MAP2K5: variants seen among roughly 807,000 people sequenced by gnomAD.
MAP2K5 encodes mitogen-activated protein kinase kinase 5, also known as dual specificity mitogen-activated protein kinase kinase 5.
A neutral mutation model predicts 83.1 loss-of-function variants in MAP2K5; 49 were observed. The observed-to-expected ratio is 0.59, with a 90% confidence interval of 0.47 to 0.75. MAP2K5 has a LOEUF of 0.75. Among genes scored for constraint, MAP2K5 ranks in the 30% least tolerant of loss-of-function variants. The pLI, the probability that MAP2K5 is intolerant of heterozygous loss-of-function variation, is 0.00. For synonymous variants in MAP2K5, 202 were observed against 191.8 expected, an observed-to-expected ratio of 1.05 and a Z score of -0.44; for missense variants, 457 against 557.5, an observed-to-expected ratio of 0.82 and a Z score of 1.82.
At chr15:67,598,871 A>T (rs1326651921) in intron 7 of MAP2K5, among the ~76,000 whole-genome samples, 1 of 152,234 alleles carries the variant, frequency 6.6e-6, no homozygotes, top group Admixed American at 6.5e-5. Context: ...TCTCTCGTAG[A>T]AATTTATGTC....
At chr15:67,721,215 C>G (rs371260818) in intron 16 of MAP2K5, among the ~76,000 whole-genome samples, 7 of 152,132 alleles carry the variant, frequency 4.6e-5, no homozygotes, top group African/African-American at 1.7e-4. Context: ...GTAATGCTGT[C>G]TTTTCTCCCT....
chr15:67,682,838 A>AT (rs1234559196), intron 13 of MAP2K5, among the ~76,000 whole-genome samples: 2 of 149,652 alleles, frequency 1.3e-5, no homozygotes, highest in African/African-American at 5.0e-5. Flanking sequence ...ATCTCAAAAA[A>AT]TAAAAAAAAA....
At chr15:67,693,185 G>A (rs189495423) in intron 14 of MAP2K5, among the ~76,000 whole-genome samples, 18 of 152,324 alleles carry the variant, frequency 1.2e-4, no homozygotes, top group African/African-American at 4.3e-4. Context: ...TGAGCCATCT[G>A]ACTAAAAATT....
chr15:67,737,844 CTTTTTTTTT>C (rs35988425), intron 17 of MAP2K5, among the ~76,000 whole-genome samples: 3 of 69,308 alleles, frequency 4.3e-5, no homozygotes, highest in African/African-American at 1.8e-4. Flanking sequence ...ATAGAATAGT[CTTTTTTTTT>C]TTTTTTTTTT....
chr15:67,574,873 T>C (rs1356076338), intron 3 of MAP2K5, among the ~76,000 whole-genome samples: 5 of 151,880 alleles, frequency 3.3e-5, no homozygotes, highest in Admixed American at 6.6e-5. Context: ...TCTCAAAAAA[T>C]AATAATAAAA....
At position 67,755,968 on chromosome 15, in the gene MAP2K5, T is replaced by C. The variant is rs1744299011; in HGVS notation, c.1134+7367T>C. Among the ~76,000 whole-genome samples the C allele has an allele frequency of 6.6e-6, 1 of 152,138 alleles. No individual in the cohort carries two copies. The highest frequency in any genetic ancestry group is 1.5e-5 in the Non-Finnish European group (1 of 68,016). The stretch of plus-strand genomic sequence containing the variant: ...TCAATTGTCCACCCTCTTTCCATTG[T>C]CCTCCCCACATCCTCACTGTGGCAT... On this transcript the variant is annotated intron_variant, in intron 19 of 21. Coordinates refer to ENST00000178640, the MANE Select transcript of MAP2K5 (RefSeq NM_145160.3). This position sits in a 1 kb window ranked among gnomAD's most constrained non-coding sequence, Gnocchi z 4.7.
intron 7 of MAP2K5, among the ~76,000 whole-genome samples, chr15:67,593,984 T>G (rs2085470427): frequency 6.6e-6 from 1 of 152,234 alleles, no homozygotes; most frequent in Non-Finnish European, 1.5e-5. Context: ...CTAATAGATG[T>G]GCATGCCTTA....
chr15:67,718,580 A>G (rs184878174), intron 16 of MAP2K5, among the ~76,000 whole-genome samples: 93 of 152,224 alleles, frequency 6.1e-4, no homozygotes, highest in African/African-American at 1.9e-3. Flanking sequence ...CCTGGCCAAC[A>G]TGATGAATCC....
Position 67,714,413 on chromosome 15 carries a change from G to GAAAAAAAAAAAA in MAP2K5, c.1044+11005_1044+11006insAAAAAAAAAAAA, listed in dbSNP as rs2088777375. On this transcript the variant is annotated intron_variant, in intron 16 of 21. Transcript: ENST00000178640. Reference sequence around the variant, plus strand: ...CCCCCCACCCCTACCCAGCTGCCAGGGAAAAAAAAAAAAAAAAAAAAAAAA... The same window carrying GAAAAAAAAAAAA: ...CCCCCCACCCCTACCCAGCTGCCAGGAAAAAAAAAAAAGAAAAAAAAAAAAAAAAAAAAAAAA... Among the ~76,000 whole-genome samples the GAAAAAAAAAAAA allele has an allele frequency of 4.7e-5, 2 of 42,692 alleles. 1 individual carries two copies. The highest frequency in any genetic ancestry group is 7.2e-4 in the Admixed American group (2 of 2,782). 28.0% of individuals were successfully genotyped at this position (42,692 alleles called of 152,430 possible).
At chr15:67,599,007 G>T (rs1322207288) in intron 7 of MAP2K5, among the ~76,000 whole-genome samples, 1 of 152,166 alleles carries the variant, frequency 6.6e-6, no homozygotes, top group Non-Finnish European at 1.5e-5. Context: ...CCCACCAATG[G>T]ATACTGCTAT....
At chr15:67,624,845 G>C (rs1173734503) in intron 8 of MAP2K5, among the ~76,000 whole-genome samples, 3 of 152,166 alleles carry the variant, frequency 2.0e-5, no homozygotes, top group African/African-American at 7.2e-5. Context: ...TGGCCAGGCT[G>C]GTCTTGAACT....
In MAP2K5 at chr15:67,779,121, A is replaced by G. The variant is rs1596959731; in HGVS notation, c.1242+6369A>G. ...TTTGCAGTGAGAAATACTGGCTGGG[A>G]TTGTAACTTCAGCTGAGTATTTCCA... On this transcript the variant is annotated intron_variant, in intron 21 of 21. Transcript: ENST00000178640. This position sits in a 1 kb window ranked among gnomAD's most constrained non-coding sequence, Gnocchi z 4.6. 6.6e-6 allele frequency among the ~76,000 whole-genome samples: 1 copy of G among 152,190 alleles called. No homozygotes were observed. Among genetic ancestry groups the G allele is most frequent in the Non-Finnish European group, 1.5e-5 (1 of 68,028 alleles).
rs920693996 is a variant in MAP2K5, at chr15:67,746,278, G to T, written c.1075-1953G>T. Among the ~76,000 whole-genome samples, 1 of 152,068 alleles carries T rather than the reference G, an allele frequency of 6.6e-6. No homozygotes were observed. Among genetic ancestry groups the T allele is most frequent in the African/African-American group, 2.4e-5 (1 of 41,420 alleles). On this transcript the variant is annotated intron_variant, in intron 17 of 21. Transcript: ENST00000178640. The surrounding 1 kb of genome is among the most constrained non-coding windows in gnomAD (Gnocchi z 4.1). Reference sequence around the variant, plus strand: ...TCAAAACCTCTCACTTAGAATGTTTGCTGCATGTTCTCCTCAGAGAATGTT... The same window carrying T: ...TCAAAACCTCTCACTTAGAATGTTTTCTGCATGTTCTCCTCAGAGAATGTT...
rs902615720 is a variant in MAP2K5, at chr15:67,646,373, T to C, written c.655-15T>C. 1.3e-6 allele frequency: 2 copies of C among 1,541,174 alleles called. No individual in the cohort carries two copies. The highest frequency in any genetic ancestry group is 1.8e-6 in the Non-Finnish European group (2 of 1,118,990). ...TTGCAGGTTTATAACTACTTTTGTC[T>C]TATTTTTGTTACAGTGCGATTCATC... On this transcript the variant is annotated splice_polypyrimidine_tract_variant and intron_variant, in intron 10 of 21. Coordinates refer to ENST00000178640, the MANE Select transcript of MAP2K5 (RefSeq NM_145160.3).
At chr15:67,625,307 C>T (rs138652422) in intron 8 of MAP2K5, among the ~76,000 whole-genome samples, 1 of 152,286 alleles carries the variant, frequency 6.6e-6, no homozygotes, top group East Asian at 1.9e-4. Context: ...TGTGTGTGTG[C>T]TCAATTTTAA....
chr15:67,626,398 G>C (rs928507331), intron 8 of MAP2K5, among the ~76,000 whole-genome samples: 4 of 151,922 alleles, frequency 2.6e-5, no homozygotes, highest in African/African-American at 9.7e-5. Flanking sequence ...GTGGTGGTGG[G>C]CTCCTGTAAT....
At chr15:67,776,820 A>T (rs1169374309) in intron 21 of MAP2K5, among the ~76,000 whole-genome samples, 1 of 152,204 alleles carries the variant, frequency 6.6e-6, no homozygotes, top group African/African-American at 2.4e-5. Flanking sequence ...CTTAGCCGGG[A>T]GAACCTCCAT....
At chr15:67,598,850 T>G (rs2085586615) in intron 7 of MAP2K5, among the ~76,000 whole-genome samples, 1 of 152,196 alleles carries the variant, frequency 6.6e-6, no homozygotes, top group Admixed American at 6.5e-5. Context: ...TGTACTTGAG[T>G]GAGTGAAATG....
chr15:67,735,612 GGGAT>G (rs1487393305), intron 17 of MAP2K5, among the ~76,000 whole-genome samples: 3 of 152,180 alleles, frequency 2.0e-5, no homozygotes, highest in African/African-American at 7.2e-5. Flanking sequence ...TCCAGGAGAT[GGGAT>G]GCTCTGACCT....
Sources: allele counts gnomAD v4.1 joint callset (sites outside exome capture counted in the v4.1 genomes callset), GRCh38; gene constraint gnomAD v4.1.1; non-coding constraint Gnocchi (gnomAD v3.1); transcripts MANE v1.5; gene names NCBI Gene and HGNC (gene_info 2026-07-23, HGNC 2026-07-21).